The following POU6F2 variants were observed in gnomAD, a reference collection of about 807,000 sequenced individuals.
POU6F2 encodes the protein POU class 6 homeobox 2.
POU6F2 carries 31 observed loss-of-function variants against 71.3 expected under a neutral mutation model. The ratio of observed to expected loss-of-function variants is 0.43; its 90% CI spans 0.33 to 0.59. The LOEUF (loss-of-function observed/expected upper bound fraction) is 0.59. Among genes scored for constraint, POU6F2 ranks in the 20% least tolerant of loss-of-function variants. POU6F2 has a pLI of 0.04. For missense variants in POU6F2, 783 were observed against 856.8 expected, an observed-to-expected ratio of 0.91 and a Z score of 1.07; for synonymous variants, 347 against 355.7, an observed-to-expected ratio of 0.98 and a Z score of 0.27.
At chr7:39,282,765 G>A (rs914390314) in intron 4 of POU6F2, among the ~76,000 whole-genome samples, 1 of 152,064 alleles carries the variant, frequency 6.6e-6, no homozygotes. Flanking sequence ...GGCTGTTTGG[G>A]TTGTTTTGTG....
intron 4 of POU6F2, among the ~76,000 whole-genome samples, chr7:39,280,632 G>A (rs1358026206): frequency 6.6e-6 from 1 of 152,202 alleles, no homozygotes; most frequent in Non-Finnish European, 1.5e-5. Flanking sequence ...TTTAAGGGGG[G>A]CAGTGAAGTG....
intron 2 of POU6F2, among the ~76,000 whole-genome samples, chr7:39,166,155 G>A (rs950107486): frequency 1.3e-5 from 2 of 152,168 alleles, no homozygotes; most frequent in African/African-American, 4.8e-5. Context: ...TTCACCAATA[G>A]TGGTTGAATT....
chr7:39,064,912 A>G (rs564804050), intron 1 of POU6F2, among the ~76,000 whole-genome samples: 19 of 151,894 alleles, frequency 1.3e-4, no homozygotes, highest in Non-Finnish European at 2.4e-4. Context: ...CAAGACTTAA[A>G]AATACATAAA....
chr7:39,427,703 A>G (rs1366067473), intron 6 of POU6F2, among the ~76,000 whole-genome samples: 3 of 152,222 alleles, frequency 2.0e-5, no homozygotes, highest in Non-Finnish European at 4.4e-5. Context: ...ATGGATTGAA[A>G]GATCTGAGGA....
intron 2 of POU6F2, among the ~76,000 whole-genome samples, chr7:39,087,273 C>T (rs921044267): frequency 2.0e-5 from 3 of 151,328 alleles, no homozygotes; most frequent in Non-Finnish European, 2.9e-5. Context: ...CAATCTTTTC[C>T]CTAATTTTAA....
intron 4 of POU6F2, among the ~76,000 whole-genome samples, chr7:39,236,626 T>A (rs1794681346): frequency 6.6e-6 from 1 of 152,206 alleles, no homozygotes; most frequent in Admixed American, 6.5e-5. Flanking sequence ...ATTTACTGGC[T>A]GTGCCCTTTG....
intron 4 of POU6F2, among the ~76,000 whole-genome samples, chr7:39,225,838 T>C (rs1794450355): frequency 1.3e-5 from 2 of 152,234 alleles, no homozygotes; most frequent in African/African-American, 4.8e-5. Flanking sequence ...TCGTTAATTT[T>C]GTCATAACAA....
intron 1 of POU6F2, among the ~76,000 whole-genome samples, chr7:39,054,822 G>A (rs1362854623): frequency 4.6e-5 from 7 of 150,656 alleles, no homozygotes; most frequent in Admixed American, 4.6e-4. Context: ...AAAAAACCAT[G>A]TCTCACACAC....
chr7:38,981,426 A>G (rs1231127005), intron 1 of POU6F2, among the ~76,000 whole-genome samples: 1 of 152,140 alleles, frequency 6.6e-6, no homozygotes. Flanking sequence ...GCAGCCCACC[A>G]TCCTGATGCA....
intron 7 of POU6F2, among the ~76,000 whole-genome samples, chr7:39,442,127 G>C (rs764627436): frequency 6.6e-6 from 1 of 151,976 alleles, no homozygotes; most frequent in East Asian, 1.9e-4. Flanking sequence ...CTTGTTCAAT[G>C]AGTACAAAAA....
intron 7 of POU6F2, among the ~76,000 whole-genome samples, chr7:39,437,570 C>A (rs986972066): frequency 6.6e-6 from 1 of 152,040 alleles, no homozygotes; most frequent in African/African-American, 2.4e-5. Context: ...TTTCAAAAAA[C>A]CAGCTCCTGG....
rs568139555 is a variant in POU6F2 at position 39,134,399 on chromosome 7, C to T, written c.277+48368C>T. ...CTTCTTAGGGGATGCTGGTGCTGCT[C>T]TTCTGGAGCCACACTTTCAGAACCA... is the stretch of plus-strand genomic sequence containing the variant. On this transcript the variant is annotated intron_variant, in intron 2 of 9. Transcript: ENST00000518318. 8.2e-4 allele frequency among the ~76,000 whole-genome samples: 125 copies of T among 152,254 alleles called. 1 individual carries two copies. Among genetic ancestry groups the T allele is most frequent in the African/African-American group, 2.7e-3 (112 of 41,546 alleles).
At chr7:38,981,083 A>G (rs1788304088) in intron 1 of POU6F2, among the ~76,000 whole-genome samples, 1 of 152,232 alleles carries the variant, frequency 6.6e-6, no homozygotes, top group Non-Finnish European at 1.5e-5. Flanking sequence ...AAATCAAATC[A>G]GATTTCTGAT....
intron 5 of POU6F2, among the ~76,000 whole-genome samples, chr7:39,371,767 GTAAT>G (rs1349273522): frequency 6.6e-6 from 1 of 152,216 alleles, no homozygotes; most frequent in Non-Finnish European, 1.5e-5. Context: ...GTTAATCAAA[GTAAT>G]TAACTAGTTT....
At chr7:39,193,549 T>C (rs143278722) in intron 2 of POU6F2, among the ~76,000 whole-genome samples, 254 of 152,366 alleles carry the variant, frequency 1.7e-3, no homozygotes, top group Non-Finnish European at 2.9e-3. Context: ...ACTCACTAAC[T>C]GTGACCACAC....
At chr7:38,982,025 T>C (rs1226104404) in intron 1 of POU6F2, among the ~76,000 whole-genome samples, 3 of 152,188 alleles carry the variant, frequency 2.0e-5, no homozygotes, top group Non-Finnish European at 4.4e-5. Flanking sequence ...TTACCTAAAA[T>C]ATGCTCAAAT....
intron 4 of POU6F2, among the ~76,000 whole-genome samples, chr7:39,276,356 C>A (rs1784438483): frequency 6.6e-6 from 1 of 152,212 alleles, no homozygotes; most frequent in African/African-American, 2.4e-5. Context: ...AAAGAGATAT[C>A]ATCTCACACC....
intron 4 of POU6F2, among the ~76,000 whole-genome samples, chr7:39,276,761 A>G (rs2128758338): frequency 6.6e-6 from 1 of 152,174 alleles, no homozygotes; most frequent in East Asian, 1.9e-4. Flanking sequence ...AGGGACATGG[A>G]TGAAATTGGA....
intron 7 of POU6F2, among the ~76,000 whole-genome samples, chr7:39,443,249 C>A (rs1424870104): frequency 1.3e-5 from 2 of 152,184 alleles, no homozygotes; most frequent in East Asian, 3.8e-4. Context: ...ATGTACCTTG[C>A]AAATCCAACA....
Sources: allele counts gnomAD v4.1 joint callset (sites outside exome capture counted in the v4.1 genomes callset), GRCh38; gene constraint gnomAD v4.1.1; transcripts MANE v1.5; gene names NCBI Gene and HGNC (gene_info 2026-07-23, HGNC 2026-07-21).